KIF27: variants seen among roughly 807,000 people sequenced by gnomAD.
KIF27 encodes the protein kinesin family member 27, also known as kinesin-like protein KIF27.
Under a neutral mutation model 141.8 loss-of-function variants are expected in KIF27, and 84 were observed. The observed-to-expected ratio is 0.59, with a 90% confidence interval of 0.50 to 0.71. The LOEUF is 0.71. Among genes scored for constraint, KIF27 ranks in the 30% least tolerant of loss-of-function variants. KIF27 has a pLI of 0.00. For synonymous variants in KIF27, 471 were observed against 569.5 expected, an observed-to-expected ratio of 0.83 and a Z score of 2.46; for missense variants, 1,306 against 1,628.4, an observed-to-expected ratio of 0.80 and a Z score of 3.41.
rs184754086 is a variant in KIF27, at chr9:83,909,226, G to T, written c.299-574C>A. 3.2e-3 allele frequency among the ~76,000 whole-genome samples: 483 copies of T among 152,310 alleles called. 2 individuals carry two copies. Among genetic ancestry groups the T allele is most frequent in the African/African-American group, 0.011 (453 of 41,586 alleles). On this transcript the variant is annotated intron_variant, in intron 2 of 17. Coordinates refer to ENST00000297814, the MANE Select transcript of KIF27 (RefSeq NM_017576.4). Reference sequence around the variant, plus strand: ...GAAAAAAAATACGGCAGGGTAGGGGGACTAGAAGTGTAACTACCAGCCGAG... The same window carrying T: ...GAAAAAAAATACGGCAGGGTAGGGGTACTAGAAGTGTAACTACCAGCCGAG...
rs147540651 is a variant in KIF27 at position 83,916,990 on chromosome 9, T to C, written c.-87-1312A>G. The stretch of plus-strand genomic sequence containing the variant: ...ACACTCTTTTTTTTTTAAATATATA[T>C]ATTTTATTATACTTTAAGTTCTAGG... On this transcript the variant is annotated intron_variant, in intron 1 of 17. Coordinates refer to ENST00000297814, the MANE Select transcript of KIF27 (RefSeq NM_017576.4). Among the ~76,000 whole-genome samples the C allele has an allele frequency of 8.8e-3, 1,333 of 151,948 alleles. 20 individuals carry two copies. The highest frequency in any genetic ancestry group is 0.031 in the African/African-American group (1,293 of 41,468).
chr9:83,916,311 C>T (rs1423615053), intron 1 of KIF27, among the ~76,000 whole-genome samples: 3 of 152,102 alleles, frequency 2.0e-5, no homozygotes, highest in Non-Finnish European at 2.9e-5. Context: ...GGATTACAGG[C>T]GTGAGCCACC....
At position 83,882,416 on chromosome 9, in the gene KIF27, A is replaced by C. The variant is rs577890660; in HGVS notation, c.2445+1397T>G. Among the ~76,000 whole-genome samples the C allele has an allele frequency of 2.5e-3, 380 of 152,304 alleles. 2 individuals carry two copies. Among genetic ancestry groups the C allele is most frequent in the South Asian group, 3.5e-3 (17 of 4,830 alleles). ...GAAAACCGGTATTGTCATCACCACT[A>C]TGGGACTCTGACTGAGTTATTTTAC... is the stretch of plus-strand genomic sequence containing the variant. On this transcript the variant is annotated intron_variant, in intron 10 of 17. Coordinates refer to ENST00000297814, the MANE Select transcript of KIF27 (RefSeq NM_017576.4).
chr9:83,846,535 T>A (rs550425252), intron 16 of KIF27, among the ~76,000 whole-genome samples: 2 of 152,244 alleles, frequency 1.3e-5, no homozygotes, highest in South Asian at 4.1e-4. Context: ...ACAATTACAA[T>A]GCCAATTACA....
chr9:83,886,228 C>T (rs933676268), intron 9 of KIF27, among the ~76,000 whole-genome samples: 8 of 152,124 alleles, frequency 5.3e-5, no homozygotes, highest in Non-Finnish European at 8.8e-5. Context: ...CCAATAGAAT[C>T]AATGACTTTC....
chr9:83,904,585 G>A (rs1378557541), intron 3 of KIF27, among the ~76,000 whole-genome samples: 2 of 152,140 alleles, frequency 1.3e-5, no homozygotes, highest in Non-Finnish European at 2.9e-5. Context: ...TGGCCAGGCT[G>A]GTCTTGAACT....
chr9:83,906,892 T>C (rs752307101), intron 3 of KIF27, among the ~76,000 whole-genome samples: 5 of 151,726 alleles, frequency 3.3e-5, no homozygotes, highest in Non-Finnish European at 5.9e-5. Context: ...TGAAGAGTCA[T>C]AAGTATGAAA....
rs558773720 is a variant in KIF27 at position 83,872,123 on chromosome 9, A to G, written c.2644-1491T>C. Among the ~76,000 whole-genome samples, 48 of 151,306 alleles carry G rather than the reference A, an allele frequency of 3.2e-4. 1 individual carries two copies. The highest frequency in any genetic ancestry group is 5.3e-4 in the Non-Finnish European group (36 of 67,726). Reference sequence around the variant, plus strand: ...CTGATCACCTGAGGTCAGGAGTTCAAGACCAGTCTGGCCAACATGGGGAAA... The same window carrying G: ...CTGATCACCTGAGGTCAGGAGTTCAGGACCAGTCTGGCCAACATGGGGAAA... On this transcript the variant is annotated intron_variant, in intron 11 of 17. Coordinates refer to ENST00000297814, the MANE Select transcript of KIF27 (RefSeq NM_017576.4).
chr9:83,850,487 G>A (rs9410888), intron 15 of KIF27, among the ~76,000 whole-genome samples, 190 bp from the exon 16 acceptor site: 44,716 of 151,812 alleles, frequency 0.29, 6,909 homozygotes, highest in African/African-American at 0.39. Context: ...TTTTGAATTT[G>A]TTGGAGTTCA....
chr9:83,920,777 C>A (rs1282724986), intron 1 of KIF27, among the ~76,000 whole-genome samples: 1 of 152,084 alleles, frequency 6.6e-6, no homozygotes, highest in African/African-American at 2.4e-5. Flanking sequence ...AGTCACCTGC[C>A]TCCGAGGGAG....
chr9:83,869,443 T>C (rs967827324), intron 12 of KIF27, among the ~76,000 whole-genome samples: 1 of 152,152 alleles, frequency 6.6e-6, no homozygotes, highest in African/African-American at 2.4e-5. Context: ...TTTAGAAATA[T>C]ACTTGTCTTC....
Position 83,837,248 on chromosome 9 carries a change from T to C in KIF27, c.3959A>G (p.Glu1320Gly). The change falls in exon 18 of 18, where the codon GAG (glutamate) becomes GGG (glycine). Residue 1320 changes from glutamate to glycine, a missense_variant. Glu to Gly is a moderately conservative substitution (Grantham distance 98). Transcript: ENST00000297814. ...ATTATCATCTGTTTCTGTTTTATTC[T>C]CATTACCTAACATATGCCCACTGGG... ...APPSGHMLGN[E>G]NKTETDDNQF... 1 of 1,613,602 alleles carries C rather than the reference T, an allele frequency of 6.2e-7. No individual in the cohort carries two copies. Among genetic ancestry groups the C allele is most frequent in the African/African-American group, 1.3e-5 (1 of 75,028 alleles).
Position 83,837,254 on chromosome 9 carries a change from C to T in KIF27, c.3953G>A (p.Gly1318Asp). 3 of 1,613,164 alleles carry T rather than the reference C, an allele frequency of 1.9e-6. No individual in the cohort carries two copies. Among genetic ancestry groups the T allele is most frequent in the African/African-American group, 1.3e-5 (1 of 74,982 alleles). ...ATCTGTTTCTGTTTTATTCTCATTA[C>T]CTAACATATGCCCACTGGGGGGTGC... ...SLAPPSGHML[G>D]NENKTETDDN... The change falls in exon 18 of 18, where the codon GGT becomes GAT. Residue 1318 changes from glycine to aspartate, a missense_variant. Around this residue, in one of 4 missense-constraint regions of KIF27, gnomAD observed 148 missense variants for 250.9 expected, o/e 0.59. Transcript: ENST00000297814.
intron 13 of KIF27, among the ~76,000 whole-genome samples, chr9:83,861,785 A>C (rs1474524127): frequency 6.6e-6 from 1 of 151,408 alleles, no homozygotes; most frequent in Non-Finnish European, 1.5e-5. Flanking sequence ...ACTAGTTTAC[A>C]GTCCCACCAA....
chr9:83,855,851 T>C (rs968803167), intron 14 of KIF27, among the ~76,000 whole-genome samples: 8 of 152,190 alleles, frequency 5.3e-5, no homozygotes, highest in African/African-American at 1.7e-4. Flanking sequence ...GAGGACAATT[T>C]CGTATAAATT....
intron 13 of KIF27, chr9:83,859,579 T>C (rs1474684246): frequency 3.8e-6 from 2 of 522,196 alleles, no homozygotes; most frequent in African/African-American, 3.8e-5. Flanking sequence ...TTCCCCAGGC[T>C]AGAGTGCAAT....
At chr9:83,845,129 C>T (rs34909729) in intron 16 of KIF27, among the ~76,000 whole-genome samples, 3 of 152,206 alleles carry the variant, frequency 2.0e-5, no homozygotes, top group African/African-American at 4.8e-5. Context: ...CTCTCCCAGG[C>T]CCCCCATAAG....
At chr9:83,840,002 C>G (rs1946381214) in intron 17 of KIF27, among the ~76,000 whole-genome samples, 1 of 152,036 alleles carries the variant, frequency 6.6e-6, no homozygotes, top group Non-Finnish European at 1.5e-5. Flanking sequence ...TAGTTATTAA[C>G]TAGGATACTG....
intron 2 of KIF27, among the ~76,000 whole-genome samples, chr9:83,912,798 C>T (rs899033005): frequency 2.0e-5 from 3 of 151,906 alleles, no homozygotes; most frequent in African/African-American, 7.3e-5. Flanking sequence ...AAGGCTATAC[C>T]TTGTAAAGGT....
Sources: gnomAD v4.1 joint callset for allele counts (sites outside exome capture counted in the v4.1 genomes callset) on GRCh38, gnomAD v4.1.1 for gene constraint, gnomAD v4.1.1 regional missense constraint, MANE v1.5 for transcripts, NCBI Gene and HGNC (gene_info 2026-07-23, HGNC 2026-07-21) for gene names.